YTHDF3: variants seen among roughly 807,000 people sequenced by gnomAD.
The protein encoded by YTHDF3 is YTH N6-methyladenosine RNA binding protein F3.
YTHDF3 carries 9 observed loss-of-function variants against 52.5 expected under a neutral mutation model. The observed-to-expected ratio is 0.17, with a 90% CI of 0.10 to 0.30. The LOEUF is 0.30. YTHDF3 is among the 10% of genes least tolerant of loss of function. The pLI is 1.00. For synonymous variants in YTHDF3, 274 were observed against 243.3 expected (o/e 1.13, Z -1.18); for missense variants, 534 against 715.0 (o/e 0.75, Z 2.89).
At chr8:63,179,894 G>A (rs577941297) in intron 3 of YTHDF3, among the ~76,000 whole-genome samples, 3,526 of 151,128 alleles carry the variant, frequency 0.023, 136 homozygotes, top group African/African-American at 0.081. Flanking sequence ...CCAGGCAGAG[G>A]GGCTCCTCAC....
Position 63,209,709 on chromosome 8 carries a change from G to T in YTHDF3, c.*3G>T. 1 of 1,570,404 alleles carries T rather than the reference G, an allele frequency of 6.4e-7. No individual in the cohort carries two copies. On this transcript the variant is annotated 3_prime_UTR_variant, in exon 5 of 5. Transcript: ENST00000539294. ...AGAGAAATAGAAACAAACAATAACC[G>T]TATGAAGATGTCCTGTTAAATTTAC...
chr8:63,168,965 G>A, intron 1 of YTHDF3, 64 bp downstream of exon 1: 2 of 1,537,190 alleles, frequency 1.3e-6, no homozygotes, highest in Non-Finnish European at 1.8e-6. Context: ...CCTCGCGCGG[G>A]GCTTCGGCTC....
Position 63,204,203 on chromosome 8 carries a change from TC to T in YTHDF3, c.1735-5478del, listed in dbSNP as rs35198821. Among the ~76,000 whole-genome samples, 1,208 of 152,266 alleles carry T rather than the reference TC, an allele frequency of 7.9e-3. 21 individuals carry two copies. The highest frequency in any genetic ancestry group is 0.028 in the African/African-American group (1,164 of 41,530). ...CTCTCATTTTTTTTTCTTTGTGCTTTCCATTTCTTTATTCTTGCTCTGTGAT... is the reference window on the plus strand; with the variant it reads ...CTCTCATTTTTTTTTCTTTGTGCTTTCATTTCTTTATTCTTGCTCTGTGAT... On this transcript the variant is annotated intron_variant, in intron 4 of 4. Coordinates refer to ENST00000539294, the MANE Select transcript of YTHDF3 (RefSeq NM_152758.6).
intron 2 of YTHDF3, among the ~76,000 whole-genome samples, chr8:63,174,276 A>G (rs913184446): frequency 6.6e-6 from 1 of 152,240 alleles, no homozygotes; most frequent in Non-Finnish European, 1.5e-5. Flanking sequence ...ATAGAATAGT[A>G]TATTTACATA....
At position 63,186,350 on chromosome 8, in the gene YTHDF3, A is replaced by C. The variant is rs1367384307; in HGVS notation, c.339A>C (p.Gly113=). Reference sequence around the variant, plus strand: ...TATTTAGTCAACCTGGGGCATTAGGAAATACCCCTCCATTTCTTGGTCAAC... The same window carrying C: ...TATTTAGTCAACCTGGGGCATTAGGCAATACCCCTCCATTTCTTGGTCAAC... ...DGVFSQPGAL[G]NTPPFLGQHG... The change falls in exon 4 of 5, where the codon GGA becomes GGC. Residue 113 remains glycine (G), a synonymous_variant. Coordinates refer to ENST00000539294, the MANE Select transcript of YTHDF3 (RefSeq NM_152758.6). 3 of 1,613,896 alleles carry C rather than the reference A, an allele frequency of 1.9e-6. No homozygotes were observed. Among genetic ancestry groups the C allele is most frequent in the Non-Finnish European group, 2.5e-6 (3 of 1,179,884 alleles).
chr8:63,204,115 T>TCTGTTTGTTC, intron 4 of YTHDF3, among the ~76,000 whole-genome samples: 1 of 152,184 alleles, frequency 6.6e-6, no homozygotes, highest in African/African-American at 2.4e-5. Flanking sequence ...TTTTGTTGTT[T>TCTGTTTGTTC]GTCACCCTTC....
chr8:63,189,581 CTT>C (rs141989295), intron 4 of YTHDF3, among the ~76,000 whole-genome samples: 296 of 152,246 alleles, frequency 1.9e-3, no homozygotes, highest in African/African-American at 7.0e-3. Flanking sequence ...AATATCTTGT[CTT>C]TGTGGTTGTG....
At chr8:63,184,546 G>T (rs1808374455) in intron 3 of YTHDF3, among the ~76,000 whole-genome samples, 2 of 152,208 alleles carry the variant, frequency 1.3e-5, no homozygotes, top group African/African-American at 4.8e-5. Flanking sequence ...AAGTAGCTTA[G>T]TAATAAAACA....
Position 63,211,248 on chromosome 8 carries a change from G to T in YTHDF3, c.*1542G>T, listed in dbSNP as rs1810355410. ...AAGTGAAAAAAATACAGTATTTGTA[G>T]ATAACCATAGCTACTACACAGTTCT... is the stretch of plus-strand genomic sequence containing the variant. On this transcript the variant is annotated 3_prime_UTR_variant, in exon 5 of 5. Coordinates refer to ENST00000539294, the MANE Select transcript of YTHDF3 (RefSeq NM_152758.6). The T allele has an allele frequency of 6.6e-6, 1 of 152,362 alleles. No individual in the cohort carries two copies. The highest frequency in any genetic ancestry group is 1.5e-5 in the Non-Finnish European group (1 of 67,962). The allele number at this position is 152,362 out of a possible 1,614,324, so 9.4% of individuals were successfully genotyped here.
chr8:63,175,553 G>T, intron 3 of YTHDF3, 137 bp downstream of exon 3: 1 of 640,886 alleles, frequency 1.6e-6, no homozygotes, highest in South Asian at 2.2e-5. Flanking sequence ...TAAGTGAGTA[G>T]TGAGTAGCAG....
At chr8:63,200,231 T>C (rs1317250998) in intron 4 of YTHDF3, among the ~76,000 whole-genome samples, 5 of 152,100 alleles carry the variant, frequency 3.3e-5, no homozygotes, top group Admixed American at 3.3e-4. Context: ...CTGTGTTCCT[T>C]GCCACATGGG....
chr8:63,193,389 A>C (rs1007117366), intron 4 of YTHDF3, among the ~76,000 whole-genome samples: 1 of 149,942 alleles, frequency 6.7e-6, no homozygotes, highest in Non-Finnish European at 1.5e-5. Context: ...AAAAAAAAAA[A>C]AAAAAAAGCA....
chr8:63,174,960 A>G (rs1344085767), intron 2 of YTHDF3, among the ~76,000 whole-genome samples: 1 of 152,218 alleles, frequency 6.6e-6, no homozygotes, highest in Non-Finnish European at 1.5e-5. Flanking sequence ...TTTATTGCCT[A>G]CAACGCTACT....
chr8:63,186,711 A>G lies in YTHDF3; in HGVS notation c.700A>G (p.Lys234Glu), dbSNP rs1487556492. ...GCCCCCAGTTAGCAGTGCAGCACCTAAACCAACCTCCTGGGCTGCCATTGC... is the reference window on the plus strand; with the variant it reads ...GCCCCCAGTTAGCAGTGCAGCACCTGAACCAACCTCCTGGGCTGCCATTGC... ...SVPPVSSAAP[K>E]PTSWAAIARK... is the part of the protein sequence containing the mutation. Residue 234 changes from lysine (K) to glutamate (E), a missense_variant, in exon 4 of 5, where the codon AAA becomes GAA. Lys to Glu is a moderately conservative substitution (Grantham distance 56). This residue lies in a region of YTHDF3 where 196 missense variants were observed against 299.5 expected (regional missense o/e 0.65). Transcript: ENST00000539294. The G allele has an allele frequency of 6.2e-7, 1 of 1,613,818 alleles. No homozygotes were observed. Among genetic ancestry groups the G allele is most frequent in the Non-Finnish European group, 8.5e-7 (1 of 1,179,880 alleles).
rs971299351 is a variant in YTHDF3, at chr8:63,175,500, A to T, written c.135+84A>T. ...TTTTTCAAATAGATTATTTAATGAG[A>T]TTAACCATAACATGGATTCATTCAT... On this transcript the variant is annotated intron_variant, in intron 3 of 4. Transcript: ENST00000539294. The T allele has an allele frequency of 4.6e-6, 5 of 1,097,694 alleles. No homozygotes were observed. In the African/African-American group the frequency reaches 7.8e-5, roughly 17 times the overall value. The allele number at this position is 1,097,694 out of a possible 1,614,324, so 68.0% of individuals were successfully genotyped here.
intron 3 of YTHDF3, among the ~76,000 whole-genome samples, chr8:63,183,959 C>T (rs1453275747): frequency 6.6e-6 from 1 of 152,116 alleles, no homozygotes; most frequent in East Asian, 1.9e-4. Context: ...TAGATGATCT[C>T]TGGGTTATTT....
At chr8:63,172,559 C>G in intron 2 of YTHDF3, 1 of 392,668 alleles carries the variant, frequency 2.5e-6, no homozygotes, top group African/African-American at 2.1e-5. Context: ...TTTCAAAGCA[C>G]TTTACTATCA....
chr8:63,177,181 G>C (rs1410288846), intron 3 of YTHDF3, among the ~76,000 whole-genome samples: 1 of 152,192 alleles, frequency 6.6e-6, no homozygotes, highest in Non-Finnish European at 1.5e-5. Flanking sequence ...GAACTGAACA[G>C]TTTGTACAGT....
chr8:63,181,803 G>T (rs748180975), intron 3 of YTHDF3, among the ~76,000 whole-genome samples: 2 of 152,178 alleles, frequency 1.3e-5, no homozygotes, highest in Non-Finnish European at 2.9e-5. Context: ...TAGCATTCAT[G>T]TTTATTAAGT....
Sources: allele counts gnomAD v4.1 joint callset (sites outside exome capture counted in the v4.1 genomes callset), GRCh38; gene constraint gnomAD v4.1.1; regional missense constraint gnomAD v4.1.1; transcripts MANE v1.5; gene names NCBI Gene and HGNC (gene_info 2026-07-23, HGNC 2026-07-21).